The following ANKRD12 variants were observed in gnomAD, a reference collection of about 807,000 sequenced individuals.
ANKRD12 encodes the protein ankyrin repeat domain 12.
A neutral mutation model predicts 183.4 loss-of-function variants in ANKRD12; 85 were observed. The observed-to-expected ratio is 0.46, with a 90% confidence interval of 0.39 to 0.56. ANKRD12 has a LOEUF of 0.56. ANKRD12 is among the 20% of genes least tolerant of loss of function. ANKRD12 has a pLI of 0.00. For synonymous variants in ANKRD12, 914 were observed against 800.2 expected, an observed-to-expected ratio of 1.14 and a Z score of -2.40; for missense variants, 2,405 against 2,357.1, an observed-to-expected ratio of 1.02 and a Z score of -0.42.
rs569492146 is a variant in ANKRD12, at chr18:9,213,934, A to G, written c.652+2150A>G. Among the ~76,000 whole-genome samples the G allele has an allele frequency of 3.0e-4, 46 of 152,134 alleles. 2 individuals are homozygous for G. The South Asian group carries it at 9.3e-3, about 31-fold the overall frequency. ...TCTTTAAAATTCTTTTTCATAGTTT[A>G]AATGATTATTAAAAATTATATCAAG... is the stretch of plus-strand genomic sequence containing the variant. On this transcript the variant is annotated intron_variant, in intron 6 of 12. Coordinates refer to ENST00000262126, the MANE Select transcript of ANKRD12 (RefSeq NM_015208.5).
In ANKRD12 at chr18:9,225,472, TA is replaced by T. The variant is rs200715342; in HGVS notation, c.943+3490del. 1.6e-3 allele frequency among the ~76,000 whole-genome samples: 113 copies of T among 68,506 alleles called. 1 individual carries two copies. The highest frequency in any genetic ancestry group is 4.9e-3 in the East Asian group (9 of 1,834). The allele number at this position is 68,506 out of a possible 152,430, so 44.9% of individuals were successfully genotyped here. ...CTGGCTGACAGAGCCAGACTATCTT[TA>T]AAAAAAAAAAAAAAAAGTATTCAAA... On this transcript the variant is annotated intron_variant, in intron 8 of 12. Transcript: ENST00000262126.
intron 10 of ANKRD12, among the ~76,000 whole-genome samples, chr18:9,266,235 A>G (rs1263144843): frequency 2.0e-5 from 3 of 152,166 alleles, no homozygotes; most frequent in Non-Finnish European, 2.9e-5. Context: ...AGCAAGGCAG[A>G]CCAACATTCA....
intron 1 of ANKRD12, among the ~76,000 whole-genome samples, chr18:9,157,539 T>C (rs1196461267): frequency 1.5e-5 from 2 of 137,170 alleles, no homozygotes; most frequent in Non-Finnish European, 3.1e-5. Flanking sequence ...GTAAATTTTA[T>C]GGTGTGTGTG....
intron 8 of ANKRD12, among the ~76,000 whole-genome samples, chr18:9,247,665 C>T (rs1717579571): frequency 6.6e-6 from 1 of 151,398 alleles, no homozygotes; most frequent in South Asian, 2.1e-4. Context: ...ATAGATATTC[C>T]CCCTCCTTTC....
intron 1 of ANKRD12, among the ~76,000 whole-genome samples, chr18:9,173,622 G>A (rs77869456): frequency 7.7e-6 from 1 of 129,222 alleles, no homozygotes; most frequent in African/African-American, 2.9e-5. Context: ...GTGGTGGGGG[G>A]GGGGTAGGGG....
intron 1 of ANKRD12, among the ~76,000 whole-genome samples, chr18:9,167,038 A>C (rs113556102): frequency 6.6e-6 from 1 of 151,998 alleles, no homozygotes; most frequent in South Asian, 2.1e-4. Context: ...AATATGCGGC[A>C]TTATTTCTGA....
intron 1 of ANKRD12, among the ~76,000 whole-genome samples, chr18:9,142,059 G>A (rs1237475901): frequency 6.6e-6 from 1 of 152,018 alleles, no homozygotes; most frequent in African/African-American, 2.4e-5. Flanking sequence ...ACCTTACCTT[G>A]CTATATAGTC....
intron 1 of ANKRD12, among the ~76,000 whole-genome samples, chr18:9,154,142 G>C (rs1463590157): frequency 6.6e-6 from 1 of 152,136 alleles, no homozygotes; most frequent in Non-Finnish European, 1.5e-5. Context: ...CTCTGCGGCT[G>C]GGCACAGTGA....
intron 10 of ANKRD12, 26 bp from the exon 11 acceptor site, chr18:9,275,489 AGAATTTATT>A (rs2039788987): frequency 6.9e-6 from 11 of 1,589,294 alleles, no homozygotes; most frequent in African/African-American, 2.7e-5. Context: ...AATTTGTTGA[AGAATTTATT>A]TTTTTTTAAT....
Position 9,256,733 on chromosome 18 carries a change from C to G in ANKRD12, c.3466C>G (p.Pro1156Ala). ...TGATGCATATACCAAGGAGAAACAA[C>G]CTAAAGATGCTGTAAGTAACAGATC... The part of the protein sequence containing the change: ...VTDAYTKEKQ[P>A]KDAVSNRSQS... The change falls in exon 9 of 13, where the codon CCT (proline) becomes GCT (alanine). Residue 1156 changes from proline (P) to alanine (A), a missense_variant. Pro to Ala is a conservative substitution (Grantham distance 27). This residue lies in a region of ANKRD12 where 1,983 missense variants were observed against 1,725.9 expected (regional missense o/e 1.15). Coordinates refer to ENST00000262126, the MANE Select transcript of ANKRD12 (RefSeq NM_015208.5). The G allele has an allele frequency of 6.2e-7, 1 of 1,612,570 alleles. No homozygotes were observed. The highest frequency in any genetic ancestry group is 8.5e-7 in the Non-Finnish European group (1 of 1,179,526).
rs750865713 is a variant in ANKRD12 at position 9,257,082 on chromosome 18, G to A, written c.3815G>A (p.Arg1272Gln). The A allele has an allele frequency of 1.4e-5, 23 of 1,613,900 alleles. No homozygotes were observed. Among genetic ancestry groups the A allele is most frequent in the African/African-American group, 4.0e-5 (3 of 74,892 alleles). ...GACAGCCTGGCTGACTTGCCGGAGC[G>A]GATTAAACCACCATATGCAAACAGA... ...ELDSLADLPERIKPPYANRLS... is the reference protein window; with the variant it reads ...ELDSLADLPEQIKPPYANRLS... Residue 1272 changes from arginine to glutamine, a missense_variant, in exon 9 of 13, where the codon CGG (arginine) becomes CAG (glutamine). By Grantham distance (43) the Arg-to-Gln change is conservative. Around this residue, in one of 7 missense-constraint regions of ANKRD12, gnomAD observed 1,983 missense variants for 1,725.9 expected, o/e 1.15. Transcript: ENST00000262126.
chr18:9,183,808 T>C (rs1430975151), intron 2 of ANKRD12, among the ~76,000 whole-genome samples: 1 of 152,244 alleles, frequency 6.6e-6, no homozygotes, highest in Non-Finnish European at 1.5e-5. Context: ...TAATTATTGC[T>C]ATGACTTATA....
At chr18:9,270,225 A>G (rs2039520528) in intron 10 of ANKRD12, among the ~76,000 whole-genome samples, 1 of 152,214 alleles carries the variant, frequency 6.6e-6, no homozygotes, top group Non-Finnish European at 1.5e-5. Flanking sequence ...GGGATCTAGA[A>G]CTAGAAATAC....
At chr18:9,239,062 C>T (rs1038384547) in intron 8 of ANKRD12, among the ~76,000 whole-genome samples, 4 of 152,158 alleles carry the variant, frequency 2.6e-5, no homozygotes, top group Non-Finnish European at 5.9e-5. Context: ...GAGGTCGAGG[C>T]TGCCATGAGC....
intron 3 of ANKRD12, among the ~76,000 whole-genome samples, chr18:9,200,988 G>A (rs1440918139): frequency 6.6e-6 from 1 of 152,128 alleles, no homozygotes; most frequent in East Asian, 1.9e-4. Flanking sequence ...GAAAGTAGGA[G>A]GGAAAAGACC....
At chr18:9,148,535 T>G (rs750745869) in intron 1 of ANKRD12, among the ~76,000 whole-genome samples, 3 of 152,198 alleles carry the variant, frequency 2.0e-5, no homozygotes, top group African/African-American at 4.8e-5. Flanking sequence ...TTTGAGGTGT[T>G]TATTTATTAC....
At chr18:9,176,581 G>A (rs931614955) in intron 1 of ANKRD12, among the ~76,000 whole-genome samples, 1 of 151,900 alleles carries the variant, frequency 6.6e-6, no homozygotes, top group African/African-American at 2.4e-5. Context: ...GTGAACCTCT[G>A]TGCCCAGCCC....
intron 8 of ANKRD12, among the ~76,000 whole-genome samples, chr18:9,243,595 T>G (rs1598667452): frequency 6.6e-6 from 1 of 151,824 alleles, no homozygotes; most frequent in African/African-American, 2.4e-5. Flanking sequence ...AAAGCTGCAG[T>G]GAAAGAGGGT....
In ANKRD12 at chr18:9,254,796, A is replaced by G. The variant is rs1375899357; in HGVS notation, c.1529A>G (p.Asp510Gly). The change falls in exon 9 of 13, where the codon GAT (aspartate) becomes GGT (glycine). Residue 510 changes from aspartate to glycine, a missense_variant. By Grantham distance (94) the Asp-to-Gly change is moderately conservative (BLOSUM62 -1). This residue lies in a region of ANKRD12 where 1,983 missense variants were observed against 1,725.9 expected (regional missense o/e 1.15). Coordinates refer to ENST00000262126, the MANE Select transcript of ANKRD12 (RefSeq NM_015208.5). ...AACTTGACAGTAAATACTGGACTAG[A>G]TTGTTCAGAAAAGACCAGAGAGGAG... ...ITNLTVNTGL[D>G]CSEKTREEGN... 6.7e-7 allele frequency: 1 copy of G among 1,488,636 alleles called. No homozygotes were observed. Among genetic ancestry groups the G allele is most frequent in the Non-Finnish European group, 8.9e-7 (1 of 1,122,616 alleles). The allele number at this position is 1,488,636 out of a possible 1,614,324, so 92.2% of individuals were successfully genotyped here.
Sources: allele counts gnomAD v4.1 joint callset (sites outside exome capture counted in the v4.1 genomes callset), GRCh38; gene constraint gnomAD v4.1.1; regional missense constraint gnomAD v4.1.1; transcripts MANE v1.5; gene names NCBI Gene and HGNC (gene_info 2026-07-23, HGNC 2026-07-21).